Variants in PRPF31 observed in about 807,000 individuals in gnomAD.
PRPF31 encodes U4/U6 small nuclear ribonucleoprotein Prp31.
A neutral mutation model predicts 60.4 loss-of-function variants in PRPF31; 12 were observed. The ratio of observed to expected loss-of-function variants is 0.20; its 90% CI spans 0.13 to 0.32. PRPF31 has a LOEUF of 0.32. Ranked by LOEUF, PRPF31 falls within the 10% of genes least tolerant of loss-of-function variation. PRPF31 has a pLI of 1.00. For synonymous variants in PRPF31, 287 were observed against 287.9 expected (o/e 1.00, Z 0.03); for missense variants, 431 against 687.1 (o/e 0.63, Z 4.17).
intron 3 of PRPF31, 27 bp from the exon 4 acceptor site, chr19:54,121,833 C>T (rs1198595538): frequency 6.3e-7 from 1 of 1,591,464 alleles, no homozygotes; most frequent in Non-Finnish European, 8.6e-7. Flanking sequence ...TTTAGATACT[C>T]ACACCCATGC....
In PRPF31 at chr19:54,128,504, C is replaced by CT. The variant is rs769962340; in HGVS notation, c.1146+127_1146+128insT. 260 of 955,612 alleles carry CT rather than the reference C, an allele frequency of 2.7e-4. 2 individuals carry two copies. The East Asian group carries it at 2.7e-3, about 10-fold the overall frequency. The allele number at this position is 955,612 out of a possible 1,614,324, so 59.2% of individuals were successfully genotyped here. A position where few individuals can be genotyped will look rare whatever the true frequency, so the allele number is the denominator to read the frequency against. The stretch of plus-strand genomic sequence containing the variant: ...ATGTCTAGGGCGCTGCCCCAGCCTC[C>CT]CCCCCCCCGGCCTCTATTCTCGTTT... On this transcript the variant is annotated intron_variant, in intron 11 of 13. Transcript: ENST00000321030.
rs755057237 is a variant in PRPF31, at chr19:54,123,489, T to C, written c.456T>C (p.Asn152=). Residue 152 remains asparagine, a synonymous_variant, in exon 6 of 14, where the codon AAT becomes AAC. Coordinates refer to ENST00000321030, the MANE Select transcript of PRPF31 (RefSeq NM_015629.4). ...LGNSLDKCKN[N]ENLQQILTNA... is the part of the protein sequence containing the mutation. ...ACAGCCTGGACAAGTGCAAGAACAA[T>C]GAGAACCTGCAGCAGATCCTCACCA... The C allele has an allele frequency of 1.2e-5, 20 of 1,613,964 alleles. No individual in the cohort carries two copies. Among genetic ancestry groups the C allele is most frequent in the Non-Finnish European group, 1.5e-5 (18 of 1,180,002 alleles).
At chr19:54,128,715 C>A (rs1600358673) in intron 11 of PRPF31, among the ~76,000 whole-genome samples, 1 of 152,232 alleles carries the variant, frequency 6.6e-6, no homozygotes, top group East Asian at 1.9e-4. Flanking sequence ...GTTATCCCAG[C>A]GTCATCCCCT....
chr19:54,124,469 C>T (rs1235031025), intron 7 of PRPF31, 30 bp from the exon 8 acceptor site: 8 of 1,544,558 alleles, frequency 5.2e-6, no homozygotes, highest in Non-Finnish European at 7.0e-6. Context: ...CTTCTGACCG[C>T]CCCCCCTTCC....
Position 54,118,410 on chromosome 19 carries a change from C to G in PRPF31, c.132C>G (p.Ser44=). The change falls in exon 2 of 14, where the codon TCC becomes TCG. Residue 44 remains serine (S), a synonymous_variant. Coordinates refer to ENST00000321030, the MANE Select transcript of PRPF31 (RefSeq NM_015629.4). The part of the protein sequence containing the change: ...DVQEETQLDL[S]GDSVKTIAKL... Reference sequence around the variant, plus strand: ...AGGAGGAGACACAGCTGGATCTTTCCGGGGATTCAGTCAAGACCATCGCCA... The same window carrying G: ...AGGAGGAGACACAGCTGGATCTTTCGGGGGATTCAGTCAAGACCATCGCCA... 1 of 1,614,022 alleles carries G rather than the reference C, an allele frequency of 6.2e-7. No homozygotes were observed.
At chr19:54,126,503 C>T (rs774918813) in intron 8 of PRPF31, 25 bp from the exon 9 acceptor site, 1 of 1,605,212 alleles carries the variant, frequency 6.2e-7, no homozygotes, top group Non-Finnish European at 8.5e-7. Context: ...CACACAGATT[C>T]CACCCCCGTT....
At chr19:54,116,307 C>G (rs1043650601) in intron 1 of PRPF31, among the ~76,000 whole-genome samples, 3 of 151,968 alleles carry the variant, frequency 2.0e-5, no homozygotes, top group Non-Finnish European at 1.5e-5. Context: ...CGGATTCAAG[C>G]GATTCTCCTG....
At chr19:54,121,784 C>A in intron 3 of PRPF31, 76 bp from the exon 4 acceptor site, 1 of 1,419,064 alleles carries the variant, frequency 7.0e-7, no homozygotes, top group African/African-American at 1.4e-5. Flanking sequence ...ACTTCATCCT[C>A]CGCCTCCTCC....
intron 5 of PRPF31, chr19:54,122,920 A>C (rs587754989): frequency 1.9e-6 from 1 of 513,218 alleles, no homozygotes; most frequent in South Asian, 2.0e-5. Context: ...AGAGACGTCT[A>C]AGTGCAGAGA....
chr19:54,126,868 C>T (rs1009259154), intron 9 of PRPF31, among the ~76,000 whole-genome samples: 3 of 152,314 alleles, frequency 2.0e-5, no homozygotes, highest in South Asian at 2.1e-4. Flanking sequence ...CAGTAGCTCA[C>T]GCCTGTAATC....
At chr19:54,119,422 A>G (rs1250246540) in intron 3 of PRPF31, 1 of 151,884 alleles carries the variant, frequency 6.6e-6, no homozygotes, top group African/African-American at 2.4e-5. Flanking sequence ...CTCATGCCCA[A>G]ATTGAGAGAA....
At position 54,131,305 on chromosome 19, in the gene PRPF31, A is replaced by C; in HGVS notation, c.1375-2A>C. ...ATCATCCTCTCTCCCTCACCTGCCCAGGGCCTGGAGATTGTGAACCCACAG... is the reference window on the plus strand; with the variant it reads ...ATCATCCTCTCTCCCTCACCTGCCCCGGGCCTGGAGATTGTGAACCCACAG... On this transcript the variant is annotated splice_acceptor_variant, in intron 13 of 13. Coordinates refer to ENST00000321030, the MANE Select transcript of PRPF31 (RefSeq NM_015629.4). LOFTEE classifies it high-confidence loss of function. The C allele has an allele frequency of 6.2e-7, 1 of 1,613,864 alleles. No individual in the cohort carries two copies. Among genetic ancestry groups the C allele is most frequent in the Non-Finnish European group, 8.5e-7 (1 of 1,179,970 alleles).
At chr19:54,118,249 G>C in intron 1 of PRPF31, 22 bp from the exon 2 acceptor site, 1 of 1,612,182 alleles carries the variant, frequency 6.2e-7, no homozygotes, top group South Asian at 1.1e-5. Flanking sequence ...AGTTTTTAGG[G>C]AACGCTGCTG....
Position 54,123,804 on chromosome 19 carries a change from C to G in PRPF31, c.583C>G (p.Leu195Val), listed in dbSNP as rs1252030145. 1.1e-5 allele frequency: 18 copies of G among 1,613,102 alleles called. No homozygotes were observed. The highest frequency in any genetic ancestry group is 1.4e-5 in the Non-Finnish European group (17 of 1,179,994). ...ERLEEACDMALELNASKHRIY... is the reference protein window; with the variant it reads ...ERLEEACDMAVELNASKHRIY... ...GCTGGAGGAGGCCTGCGACATGGCG[C>G]TGGAGCTGAACGCCTCCAAGCACCG... The change falls in exon 7 of 14, where the codon CTG (leucine) becomes GTG (valine). Residue 195 changes from leucine (L) to valine (V), a missense_variant. By Grantham distance (32) the Leu-to-Val change is conservative (BLOSUM62 1). This residue lies in a region of PRPF31 where 314 missense variants were observed against 475.3 expected (regional missense o/e 0.66). Transcript: ENST00000321030.
chr19:54,118,800 G>T, intron 3 of PRPF31, 167 bp downstream of exon 3: 1 of 645,312 alleles, frequency 1.5e-6, no homozygotes, highest in South Asian at 1.9e-5. Flanking sequence ...AATATATATT[G>T]CATTGTAAAG....
Position 54,122,493 on chromosome 19 carries a change from C to T in PRPF31, c.323-4C>T. Reference sequence around the variant, plus strand: ...CCGACAACCTCCTGTCCCGTTTACCCTAGACATCATCCATAAGTTCATCCG... The same window carrying T: ...CCGACAACCTCCTGTCCCGTTTACCTTAGACATCATCCATAAGTTCATCCG... On this transcript the variant is annotated splice_region_variant and splice_polypyrimidine_tract_variant and intron_variant, in intron 4 of 13. Coordinates refer to ENST00000321030, the MANE Select transcript of PRPF31 (RefSeq NM_015629.4). The T allele has an allele frequency of 1.2e-6, 2 of 1,611,384 alleles. No homozygotes were observed. The highest frequency in any genetic ancestry group is 1.7e-6 in the Non-Finnish European group (2 of 1,177,454).
At chr19:54,123,157 T>C in intron 5 of PRPF31, 1 of 557,190 alleles carries the variant, frequency 1.8e-6, no homozygotes, top group Non-Finnish European at 3.2e-6. Flanking sequence ...GCCGCGGATT[T>C]GCACTCCGAC....
intron 4 of PRPF31, 157 bp downstream of exon 4, chr19:54,122,100 G>A (rs769244480): frequency 1.1e-4 from 92 of 800,278 alleles, no homozygotes; most frequent in Admixed American, 6.1e-4. Flanking sequence ...AAGGAAGTGC[G>A]TTCTCTCGCG....
At chr19:54,121,485 G>C (rs1488635454) in intron 3 of PRPF31, among the ~76,000 whole-genome samples, 1 of 152,134 alleles carries the variant, frequency 6.6e-6, no homozygotes, top group African/African-American at 2.4e-5. Context: ...GCCAGGTGCT[G>C]TCCTGGGTAC....
Sources: gnomAD v4.1 joint callset for allele counts (sites outside exome capture counted in the v4.1 genomes callset) on GRCh38, gnomAD v4.1.1 for gene constraint, gnomAD v4.1.1 regional missense constraint, MANE v1.5 for transcripts, NCBI Gene and HGNC (gene_info 2026-07-23, HGNC 2026-07-21) for gene names.